The following DNMT3A variants were observed in gnomAD, a reference collection of about 807,000 sequenced individuals.
The protein encoded by DNMT3A is DNA (cytosine-5)-methyltransferase 3A.
DNMT3A carries 267 observed loss-of-function variants against 117.6 expected under a neutral mutation model. The observed-to-expected ratio is 2.27, with a 90% CI of 2.05 to 2.51. The LOEUF is 2.51. Among genes scored for constraint, DNMT3A ranks in the 30% most tolerant of loss-of-function variants. DNMT3A has a pLI of 0.00. For missense variants in DNMT3A, 1,029 were observed against 1,260.2 expected, an observed-to-expected ratio of 0.82 and a Z score of 2.78; for synonymous variants, 432 against 474.8, an observed-to-expected ratio of 0.91 and a Z score of 1.17.
In DNMT3A at chr2:25,285,593, G is replaced by A. The variant is rs147406338; in HGVS notation, c.178-2882C>T. On this transcript the variant is annotated intron_variant, in intron 3 of 22. Transcript: ENST00000321117. ...GGGGCTGCAACGAGAGGAAGAGGAG[G>A]TGACTGGTAAAAGCGAGAAGTCCTC... is the stretch of plus-strand genomic sequence containing the variant. Among the ~76,000 whole-genome samples, 66 of 152,378 alleles carry A rather than the reference G, an allele frequency of 4.3e-4. No individual in the cohort carries two copies. The South Asian group carries it at 9.9e-3, about 23-fold the overall frequency.
In DNMT3A at chr2:25,333,453, C is replaced by T. The variant is rs371506260; in HGVS notation, c.-178+8373G>A. Among the ~76,000 whole-genome samples the T allele has an allele frequency of 2.8e-4, 42 of 152,138 alleles. 1 individual carries two copies. The highest frequency in any genetic ancestry group is 8.3e-4 in the South Asian group (4 of 4,820). On this transcript the variant is annotated intron_variant, in intron 1 of 22. Transcript: ENST00000321117. ...CAAGTGATTCTCCTGCCTCAGCCTC[C>T]GGAGTAGCTGGGATTACAGGCGTGC...
At chr2:25,244,005 C>A (rs1471334623) in intron 15 of DNMT3A, 23 bp from the exon 16 acceptor site, 3 of 1,548,768 alleles carry the variant, frequency 1.9e-6, no homozygotes, top group African/African-American at 2.7e-5. Flanking sequence ...CACAACAGGT[C>A]AGATGCAGGC....
At chr2:25,278,829 CA>C (rs779173488) in intron 4 of DNMT3A, among the ~76,000 whole-genome samples, 4,840 of 128,920 alleles carry the variant, frequency 0.038, 201 homozygotes, top group African/African-American at 0.12. Context: ...GACGCTGTCT[CA>C]AAAAAAAAAA....
Position 25,275,691 on chromosome 2 carries a change from C to T in DNMT3A, c.449-148G>A. The T allele has an allele frequency of 8.4e-6, 7 of 837,250 alleles. No homozygotes were observed. In the South Asian group the frequency reaches 1.4e-4, roughly 16 times the overall value. The allele number at this position is 837,250 out of a possible 1,614,324, so 51.9% of individuals were successfully genotyped here. A position where few individuals can be genotyped will look rare whatever the true frequency, so the allele number is the denominator to read the frequency against. On this transcript the variant is annotated intron_variant, in intron 4 of 22. Transcript: ENST00000321117. ...GCTGTTCATGTGTTAAATATGATGG[C>T]CCACCACATGCCAGGCACAGTGCTG...
In DNMT3A at chr2:25,234,026, G is replaced by A. The variant is rs1255284440; in HGVS notation, c.*253C>T. On this transcript the variant is annotated 3_prime_UTR_variant, in exon 23 of 23. Transcript: ENST00000321117. This position sits in a 1 kb window ranked among gnomAD's most constrained non-coding sequence, Gnocchi z 4.5. Reference sequence around the variant, plus strand: ...AAAAAAAAGGGAAGGGGGAGGAAGGGAAGGGAGCTTGGTTTTGTTTTTAAA... The same window carrying A: ...AAAAAAAAGGGAAGGGGGAGGAAGGAAAGGGAGCTTGGTTTTGTTTTTAAA... 4.3e-5 allele frequency: 16 copies of A among 369,182 alleles called. No individual in the cohort carries two copies. In the East Asian group the frequency reaches 7.0e-4, roughly 16 times the overall value. The allele number at this position is 369,182 out of a possible 1,614,324, so 22.9% of individuals were successfully genotyped here.
At chr2:25,312,366 G>A (rs1055551809) in intron 2 of DNMT3A, among the ~76,000 whole-genome samples, 2 of 152,212 alleles carry the variant, frequency 1.3e-5, no homozygotes, top group African/African-American at 2.4e-5. Flanking sequence ...GAGCCTGATC[G>A]GTCGCCCCGG....
chr2:25,239,206 C>T lies in DNMT3A; in HGVS notation c.2332G>A (p.Val778Met). Residue 778 changes from valine (V) to methionine (M), a missense_variant, in exon 20 of 23, where the codon GTG (valine) becomes ATG (methionine). Val to Met is a conservative substitution (Grantham distance 21). Coordinates refer to ENST00000321117, the MANE Select transcript of DNMT3A (RefSeq NM_022552.5). ...DISRFLESNP[V>M]MIDAKEVSAA... ...GACACTTCTTTGGCATCAATCATCA[C>T]AGGGTTGGACTACAAAACAGGAGAC... is the stretch of plus-strand genomic sequence containing the variant. 1 of 1,613,860 alleles carries T rather than the reference C, an allele frequency of 6.2e-7. No homozygotes were observed. Among genetic ancestry groups the T allele is most frequent in the Non-Finnish European group, 8.5e-7 (1 of 1,179,860 alleles).
intron 22 of DNMT3A, among the ~76,000 whole-genome samples, chr2:25,235,341 C>A (rs1317515036): frequency 6.6e-6 from 1 of 152,246 alleles, no homozygotes; most frequent in East Asian, 1.9e-4. Flanking sequence ...CCCGCCACCA[C>A]ACCCAGCTAA....
At chr2:25,266,707 T>A (rs1364898449) in intron 6 of DNMT3A, among the ~76,000 whole-genome samples, 1 of 152,216 alleles carries the variant, frequency 6.6e-6, no homozygotes, top group Admixed American at 6.5e-5. Flanking sequence ...GGAAAAGATG[T>A]TCAACCTTAT....
intron 3 of DNMT3A, among the ~76,000 whole-genome samples, chr2:25,289,755 A>G (rs2032605752): frequency 6.6e-6 from 1 of 152,202 alleles, no homozygotes; most frequent in Non-Finnish European, 1.5e-5. Context: ...GCAGCGCTCA[A>G]TTCAAGCAAA....
chr2:25,322,011 A>G (rs1047972215), intron 1 of DNMT3A, among the ~76,000 whole-genome samples: 6 of 152,220 alleles, frequency 3.9e-5, no homozygotes, highest in African/African-American at 1.2e-4. Context: ...AAATCAATGG[A>G]AAATGTCTAA....
intron 9 of DNMT3A, 101 bp downstream of exon 9, chr2:25,246,950 C>A: frequency 6.9e-7 from 1 of 1,457,102 alleles, no homozygotes. Flanking sequence ...GGAGTCGCTG[C>A]CTCCTGGGCC....
chr2:25,342,176 C>CCCGGGGCG (rs2035490434), upstream of DNMT3A, among the ~76,000 whole-genome samples: 1 of 145,508 alleles, frequency 6.9e-6, no homozygotes, highest in Admixed American at 6.8e-5. The surrounding 1 kb of genome is among the most constrained non-coding windows in gnomAD (Gnocchi z 5.9). Context: ...ACTGGGGGGC[C>CCCGGGGCG]CCGGGGCGCC....
Position 25,327,455 on chromosome 2 carries a change from A to G in DNMT3A, c.-177-13294T>C, listed in dbSNP as rs1573502105. Reference sequence around the variant, plus strand: ...GAGCCGGGCCCTGGAGTGAAAGGAGACCCCTGCTTCTGGAGCTCACCAGCA... The same window carrying G: ...GAGCCGGGCCCTGGAGTGAAAGGAGGCCCCTGCTTCTGGAGCTCACCAGCA... On this transcript the variant is annotated intron_variant, in intron 1 of 22. Transcript: ENST00000321117. The surrounding 1 kb of genome is among the most constrained non-coding windows in gnomAD (Gnocchi z 4.1). Among the ~76,000 whole-genome samples the G allele has an allele frequency of 6.6e-6, 1 of 151,888 alleles. No individual in the cohort carries two copies. The highest frequency in any genetic ancestry group is 1.9e-4 in the East Asian group (1 of 5,178).
rs754613602 is a variant in DNMT3A, at chr2:25,240,379, G to A, written c.2245C>T (p.Arg749Cys). ...TTCTCAAAGAGCCAGAAGAAGGGGC[G>A]ATCATCTCCCTCCTTGGGCCGCGCA... ...HDARPKEGDD[R>C]PFFWLFENVV... Residue 749 changes from arginine (R) to cysteine (C), a missense_variant, in exon 19 of 23, where the codon CGC (arginine) becomes TGC (cysteine). Coordinates refer to ENST00000321117, the MANE Select transcript of DNMT3A (RefSeq NM_022552.5). The A allele has an allele frequency of 1.5e-5, 25 of 1,613,818 alleles. No homozygotes were observed. Among genetic ancestry groups the A allele is most frequent in the Non-Finnish European group, 1.8e-5 (21 of 1,179,876 alleles).
intron 16 of DNMT3A, among the ~76,000 whole-genome samples, chr2:25,243,502 G>A (rs1674322955): frequency 6.6e-6 from 1 of 152,090 alleles, no homozygotes; most frequent in African/African-American, 2.4e-5. Context: ...AAGGATAATG[G>A]GTGATTTAAA....
In DNMT3A at chr2:25,282,022, G is replaced by A; in HGVS notation, c.448+419C>T. ...CCCCCAGGAACTGCATGGCACGTGG[G>A]AGAGTAAGCAGGCCAGGTAGAGCTG... On this transcript the variant is annotated intron_variant, in intron 4 of 22. Coordinates refer to ENST00000321117, the MANE Select transcript of DNMT3A (RefSeq NM_022552.5). This position sits in a 1 kb window ranked among gnomAD's most constrained non-coding sequence, Gnocchi z 5.2. The A allele has an allele frequency of 8.8e-6, 10 of 1,133,898 alleles. No individual in the cohort carries two copies. Among genetic ancestry groups the A allele is most frequent in the Non-Finnish European group, 1.1e-5 (10 of 921,116 alleles). 70.2% of individuals were successfully genotyped at this position (1,133,898 alleles called of 1,614,324 possible). A position where few individuals can be genotyped will look rare whatever the true frequency, so the allele number is the denominator to read the frequency against.
chr2:25,235,947 G>GCCCC, intron 21 of DNMT3A, 122 bp from the exon 22 acceptor site: 1 of 862,992 alleles, frequency 1.2e-6, no homozygotes, highest in Non-Finnish European at 1.9e-6. Context: ...CACCCAGGGG[G>GCCCC]CTGGGTATGG....
At chr2:25,241,831 C>T in intron 16 of DNMT3A, 124 bp from the exon 17 acceptor site, 1 of 1,268,802 alleles carries the variant, frequency 7.9e-7, no homozygotes, top group Non-Finnish European at 1.1e-6. Context: ...CCTATCTTTT[C>T]CCTGAAGATG....
Sources: allele counts gnomAD v4.1 joint callset (sites outside exome capture counted in the v4.1 genomes callset), GRCh38; gene constraint gnomAD v4.1.1; non-coding constraint Gnocchi (gnomAD v3.1); transcripts MANE v1.5; gene names NCBI Gene and HGNC (gene_info 2026-07-23, HGNC 2026-07-21).